The following COQ7 variants were observed in gnomAD, a reference collection of about 807,000 sequenced individuals.
COQ7 encodes the protein NADPH-dependent 3-demethoxyubiquinone 3-hydroxylase, mitochondrial.
In COQ7, 21 loss-of-function variants were observed where a neutral mutation model predicts 25.0. The ratio of observed to expected loss-of-function variants is 0.84; its 90% CI spans 0.60 to 1.21. The LOEUF (loss-of-function observed/expected upper bound fraction) is 1.21, where lower values mean the gene tolerates loss of function less well. Ranked by LOEUF, COQ7 falls within the 50% of genes most tolerant of loss-of-function variation. The pLI, the probability that COQ7 is intolerant of heterozygous loss-of-function variation, is 0.00. For synonymous variants in COQ7, 125 were observed against 112.4 expected (o/e 1.11, Z -0.71); for missense variants, 311 against 296.2 (o/e 1.05, Z -0.37).
chr16:19,076,999 A>G (rs1431927073), intron 4 of COQ7, among the ~76,000 whole-genome samples: 1 of 152,250 alleles, frequency 6.6e-6, no homozygotes, highest in Non-Finnish European at 1.5e-5. Flanking sequence ...AAATAAGGGA[A>G]CTGTTTAGTT....
At chr16:19,077,205 C>CTA (rs1962893783) in intron 4 of COQ7, 101 bp from the exon 5 acceptor site, 3 of 991,518 alleles carry the variant, frequency 3.0e-6, no homozygotes, top group Non-Finnish European at 3.2e-6. Context: ...AGCTGGCCTC[C>CTA]CTGTCTTAGG....
intron 4 of COQ7, among the ~76,000 whole-genome samples, chr16:19,076,311 T>C (rs985658587): frequency 6.7e-6 from 1 of 149,226 alleles, no homozygotes; most frequent in Non-Finnish European, 1.5e-5. Flanking sequence ...TCCAGGCTGG[T>C]CTTGAATTTC....
chr16:19,080,671 A>AAT (rs532697066), downstream of COQ7, among the ~76,000 whole-genome samples: 7 of 152,034 alleles, frequency 4.6e-5, no homozygotes, highest in African/African-American at 7.2e-5. Flanking sequence ...GAATAACATT[A>AAT]ATATATATAT....
chr16:19,078,917 GT>G lies in COQ7; in HGVS notation c.*762del, dbSNP rs1567543564. Reference sequence around the variant, plus strand: ...TCCATCAAGTAAGTCAAAGATCATCGTTTCTGTTTTGAATTGTGGGTGATAA... The same window carrying G: ...TCCATCAAGTAAGTCAAAGATCATCGTTCTGTTTTGAATTGTGGGTGATAA... On this transcript the variant is annotated 3_prime_UTR_variant, in exon 6 of 6. Coordinates refer to ENST00000321998, the MANE Select transcript of COQ7 (RefSeq NM_016138.5). 6.6e-6 allele frequency: 1 copy of G among 152,134 alleles called. No individual in the cohort carries two copies. The highest frequency in any genetic ancestry group is 2.4e-5 in the African/African-American group (1 of 41,428). 9.4% of individuals were successfully genotyped at this position (152,134 alleles called of 1,614,324 possible). A position where few individuals can be genotyped will look rare whatever the true frequency, so the allele number is the denominator to read the frequency against.
At chr16:19,069,879 G>A (rs541398748) in intron 1 of COQ7, among the ~76,000 whole-genome samples, 1 of 152,194 alleles carries the variant, frequency 6.6e-6, no homozygotes, top group South Asian at 2.1e-4. Flanking sequence ...TGCCTACTGG[G>A]TTCAAGTGAT....
At chr16:19,082,713 GC>G (rs751261187), downstream of COQ7, among the ~76,000 whole-genome samples, 50 of 151,452 alleles carry the variant, frequency 3.3e-4, no homozygotes, top group Non-Finnish European at 5.6e-4. Context: ...ATTTCAGTGA[GC>G]TGAGATCACA....
chr16:19,068,679 AAAT>A, intron 1 of COQ7: 1 of 153,906 alleles, frequency 6.5e-6, no homozygotes, highest in South Asian at 4.5e-5. Context: ...AAAAAAAAAG[AAAT>A]TTCATGAAGT....
chr16:19,072,051 T>C lies in COQ7; in HGVS notation c.197T>C (p.Ile66Thr). Residue 66 changes from isoleucine (I) to threonine (T), a missense_variant, in exon 2 of 6, where the codon ATC becomes ACC. By Grantham distance (89) the Ile-to-Thr change is moderately conservative (BLOSUM62 -1). Transcript: ENST00000321998. ...DHAGEYGANR[I>T]YAGQMAVLGR... is the part of the protein sequence containing the mutation. ...GCAGGCGAATATGGAGCAAACCGCATCTATGCCGGGCAGATGGCTGTCCTG... is the reference window on the plus strand; with the variant it reads ...GCAGGCGAATATGGAGCAAACCGCACCTATGCCGGGCAGATGGCTGTCCTG... 1.2e-6 allele frequency: 2 copies of C among 1,614,172 alleles called. No homozygotes were observed. Among genetic ancestry groups the C allele is most frequent in the East Asian group, 4.5e-5 (2 of 44,882 alleles).
intron 1 of COQ7, 182 bp from the exon 2 acceptor site, chr16:19,071,746 C>A: frequency 1.6e-6 from 1 of 624,204 alleles, no homozygotes; most frequent in Non-Finnish European, 2.8e-6. Context: ...ACCAGAAATC[C>A]AGATCTTTAG....
chr16:19,081,232 C>A (rs1199511093), downstream of COQ7, among the ~76,000 whole-genome samples: 1 of 152,144 alleles, frequency 6.6e-6, no homozygotes, highest in Non-Finnish European at 1.5e-5. Flanking sequence ...AATTCAGAAA[C>A]TATTTGTGAG....
At chr16:19,068,891 TAAAA>T in intron 1 of COQ7, 2 of 265,888 alleles carry the variant, frequency 7.5e-6, no homozygotes, top group Non-Finnish European at 1.5e-5. Context: ...GAGTAATCAT[TAAAA>T]AAAAACAAAC....
intron 2 of COQ7, chr16:19,072,373 A>G (rs750741746): frequency 6.5e-5 from 30 of 464,458 alleles, no homozygotes; most frequent in Non-Finnish European, 1.1e-4. Flanking sequence ...AGTAATGAAA[A>G]AAGGTTAAGA....
chr16:19,072,902 G>C (rs1341121309), intron 2 of COQ7, among the ~76,000 whole-genome samples: 2 of 152,220 alleles, frequency 1.3e-5, no homozygotes, highest in African/African-American at 2.4e-5. Flanking sequence ...CGGGTGTGGT[G>C]GCTCACGCCT....
intron 2 of COQ7, among the ~76,000 whole-genome samples, chr16:19,073,076 C>T (rs571870542): frequency 5.3e-5 from 8 of 152,212 alleles, no homozygotes; most frequent in South Asian, 4.1e-4. Flanking sequence ...GAAGCTGTGG[C>T]GGGTGGATCA....
At chr16:19,074,125 C>T (rs778307670) in intron 3 of COQ7, 90 bp downstream of exon 3, 8 of 852,070 alleles carry the variant, frequency 9.4e-6, no homozygotes, top group Middle Eastern at 2.3e-4. Context: ...CTTGCTGTGT[C>T]CTCTTATGAC....
rs761741489 is a variant in COQ7 at position 19,079,644 on chromosome 16, G to A, written c.*1486G>A. 1 of 152,080 alleles carries A rather than the reference G, an allele frequency of 6.6e-6. No homozygotes were observed. Among genetic ancestry groups the A allele is most frequent in the Non-Finnish European group, 1.5e-5 (1 of 68,026 alleles). The allele number at this position is 152,080 out of a possible 1,614,324, so 9.4% of individuals were successfully genotyped here. ...AGAAGCTCCCAGGTGATTCCGGAGT[G>A]AGTTGGAGCTGCAAGCCCCTGAGCT... On this transcript the variant is annotated 3_prime_UTR_variant, in exon 6 of 6. Transcript: ENST00000321998.
At chr16:19,074,076 C>T in intron 3 of COQ7, 41 bp downstream of exon 3, 1 of 1,433,362 alleles carries the variant, frequency 7.0e-7, no homozygotes, top group Non-Finnish European at 9.7e-7. Context: ...GCTTGGGGAT[C>T]TAGGATGATT....
chr16:19,069,780 A>G (rs1962459290), intron 1 of COQ7, among the ~76,000 whole-genome samples: 1 of 150,924 alleles, frequency 6.6e-6, no homozygotes, highest in Non-Finnish European at 1.5e-5. Context: ...CACATGTTTT[A>G]TGCTTCTTTT....
At chr16:19,077,925 C>T (rs1230836943) in intron 5 of COQ7, among the ~76,000 whole-genome samples, 156 bp from the exon 6 acceptor site, 3 of 152,036 alleles carry the variant, frequency 2.0e-5, no homozygotes, top group Non-Finnish European at 2.9e-5. Flanking sequence ...AGAGGCATTC[C>T]GACCTTTTGA....
Sources: allele counts gnomAD v4.1 joint callset (sites outside exome capture counted in the v4.1 genomes callset), GRCh38; gene constraint gnomAD v4.1.1; transcripts MANE v1.5; gene names NCBI Gene and HGNC (gene_info 2026-07-23, HGNC 2026-07-21).